The following TMEM132D variants were observed in gnomAD, a reference collection of about 807,000 sequenced individuals.
TMEM132D encodes the protein transmembrane protein 132D.
Under a neutral mutation model 62.3 loss-of-function variants are expected in TMEM132D, and 21 were observed. That is an observed-to-expected ratio of 0.34 (90% CI 0.24 to 0.49). The LOEUF (loss-of-function observed/expected upper bound fraction) is 0.49, where lower values mean the gene tolerates loss of function less well. Ranked by LOEUF, TMEM132D falls within the 20% of genes least tolerant of loss-of-function variation. The pLI is 0.99. For synonymous variants in TMEM132D, 621 were observed against 575.6 expected (o/e 1.08, Z -1.13); for missense variants, 1,346 against 1,402.8 (o/e 0.96, Z 0.65).
intron 1 of TMEM132D, among the ~76,000 whole-genome samples, chr12:129,755,928 C>T (rs376508663): frequency 2.0e-5 from 3 of 152,290 alleles, no homozygotes; most frequent in South Asian, 2.1e-4. Flanking sequence ...TAGTTGAGCT[C>T]ACATAGAACC....
At chr12:129,312,311 G>C (rs1176685528) in intron 4 of TMEM132D, among the ~76,000 whole-genome samples, 2 of 152,160 alleles carry the variant, frequency 1.3e-5, no homozygotes, top group African/African-American at 4.8e-5. Context: ...TTTGCTGAGA[G>C]AATGAAGCCT....
chr12:129,825,800 A>G (rs1273148230), intron 1 of TMEM132D, among the ~76,000 whole-genome samples: 1 of 152,172 alleles, frequency 6.6e-6, no homozygotes, highest in Non-Finnish European at 1.5e-5. Context: ...GCAGTGGCTC[A>G]CGCCTCTGAT....
chr12:129,080,551 C>T (rs998312466), intron 7 of TMEM132D, among the ~76,000 whole-genome samples: 2 of 152,216 alleles, frequency 1.3e-5, no homozygotes, highest in African/African-American at 4.8e-5. Context: ...TTTAAATCTT[C>T]CACGATCCAA....
intron 1 of TMEM132D, among the ~76,000 whole-genome samples, chr12:129,769,474 G>A (rs146185589): frequency 1.8e-4 from 28 of 152,236 alleles, no homozygotes; most frequent in African/African-American, 4.6e-4. Context: ...CTCATGACAC[G>A]GAGGAATTAC....
At chr12:129,436,559 T>A (rs1297915770) in intron 3 of TMEM132D, among the ~76,000 whole-genome samples, 1 of 152,228 alleles carries the variant, frequency 6.6e-6, no homozygotes, top group Admixed American at 6.5e-5. Flanking sequence ...TCAACAACAC[T>A]GTAAGTTTCC....
At chr12:129,312,959 C>T (rs938847697) in intron 4 of TMEM132D, among the ~76,000 whole-genome samples, 3 of 152,230 alleles carry the variant, frequency 2.0e-5, no homozygotes, top group South Asian at 2.1e-4. Flanking sequence ...GAATTCATGT[C>T]TGAGAACAAA....
At chr12:129,271,561 G>GC (rs1291387469) in intron 4 of TMEM132D, among the ~76,000 whole-genome samples, 13 of 150,816 alleles carry the variant, frequency 8.6e-5, no homozygotes, top group African/African-American at 2.2e-4. Flanking sequence ...CCCTCCCCTT[G>GC]CCCCCCACCC....
intron 5 of TMEM132D, among the ~76,000 whole-genome samples, chr12:129,142,377 C>T (rs1876770349): frequency 6.6e-6 from 1 of 152,178 alleles, no homozygotes; most frequent in Non-Finnish European, 1.5e-5. Context: ...ATAATGAATG[C>T]ATGGACAGTC....
chr12:129,479,530 A>C (rs1389305223), intron 3 of TMEM132D, among the ~76,000 whole-genome samples: 1 of 152,214 alleles, frequency 6.6e-6, no homozygotes, highest in Non-Finnish European at 1.5e-5. Context: ...AAAAGAGCAA[A>C]ATGCAAAATA....
In TMEM132D at chr12:129,074,063, G is replaced by A. The variant is rs780908800; in HGVS notation, c.3112C>T (p.Pro1038Ser). 6.2e-7 allele frequency: 1 copy of A among 1,613,932 alleles called. No homozygotes were observed. The highest frequency in any genetic ancestry group is 8.5e-7 in the Non-Finnish European group (1 of 1,179,942). ...KDQKSEPPTS[P>S]TSKRKRVKFT... ...TTTACCCTTTTCCTTTTTGAGGTAG[G>A]GGATGTTGGGGGCTCACTTTTCTGA... Residue 1038 changes from proline (P) to serine (S), a missense_variant, in exon 9 of 9, where the codon CCT becomes TCT. Coordinates refer to ENST00000422113, the MANE Select transcript of TMEM132D (RefSeq NM_133448.3).
At chr12:129,300,339 C>A (rs1231072416) in intron 4 of TMEM132D, among the ~76,000 whole-genome samples, 1 of 152,168 alleles carries the variant, frequency 6.6e-6, no homozygotes, top group Non-Finnish European at 1.5e-5. Context: ...CGTCATCAAT[C>A]TATTGAGATA....
chr12:129,707,659 C>G (rs1344375429), intron 1 of TMEM132D, among the ~76,000 whole-genome samples: 1 of 152,166 alleles, frequency 6.6e-6, no homozygotes, highest in Non-Finnish European at 1.5e-5. Flanking sequence ...ATATGTTGGA[C>G]AGTATACAAG....
At chr12:129,834,464 A>G (rs1159689099) in intron 1 of TMEM132D, among the ~76,000 whole-genome samples, 1 of 123,642 alleles carries the variant, frequency 8.1e-6, no homozygotes, top group African/African-American at 3.1e-5. Context: ...CCACTCCTGC[A>G]TATCTCCCAT....
At chr12:129,336,656 A>G (rs78291217) in intron 4 of TMEM132D, among the ~76,000 whole-genome samples, 4,209 of 152,224 alleles carry the variant, frequency 0.028, 206 homozygotes, top group African/African-American at 0.096. Context: ...GTTGAAGGAC[A>G]GAGAGAGGGC....
rs538782690 is a variant in TMEM132D at position 129,667,182 on chromosome 12, G to T, written c.968+32628C>A. On this transcript the variant is annotated intron_variant, in intron 2 of 8. Coordinates refer to ENST00000422113, the MANE Select transcript of TMEM132D (RefSeq NM_133448.3). ...GCTGTTTGATGGAAAATTGTAAAGG[G>T]TTCTAAAAAGTTTATGAAAATCTTA... Among the ~76,000 whole-genome samples, 206 of 152,216 alleles carry T rather than the reference G, an allele frequency of 1.4e-3. 1 individual carries two copies. Among genetic ancestry groups the T allele is most frequent in the Non-Finnish European group, 1.2e-3 (82 of 68,006 alleles).
At chr12:129,727,980 G>T (rs749785562) in intron 1 of TMEM132D, among the ~76,000 whole-genome samples, 1 of 152,128 alleles carries the variant, frequency 6.6e-6, no homozygotes, top group African/African-American at 2.4e-5. Flanking sequence ...GTTCTTTTCT[G>T]ATCACCGGCT....
intron 3 of TMEM132D, among the ~76,000 whole-genome samples, chr12:129,360,408 G>A (rs770641099): frequency 1.6e-4 from 24 of 152,206 alleles, no homozygotes; most frequent in Non-Finnish European, 2.2e-4. Flanking sequence ...TCTGCACTGA[G>A]ATCTTTCATG....
chr12:129,610,537 T>A (rs1027887350), intron 2 of TMEM132D, among the ~76,000 whole-genome samples: 1 of 152,146 alleles, frequency 6.6e-6, no homozygotes, highest in African/African-American at 2.4e-5. Context: ...AGTTTCTTTT[T>A]CTAGAAGTCT....
chr12:129,244,410 C>CAAAAAAAAAAA (rs1305354488), intron 4 of TMEM132D, among the ~76,000 whole-genome samples: 3 of 122,244 alleles, frequency 2.5e-5, no homozygotes, highest in Non-Finnish European at 5.2e-5. Context: ...AAAAAAAAAA[C>CAAAAAAAAAAA]AAACAAAAAG....
Sources: gnomAD v4.1 joint callset for allele counts (sites outside exome capture counted in the v4.1 genomes callset) on GRCh38, gnomAD v4.1.1 for gene constraint, MANE v1.5 for transcripts, NCBI Gene and HGNC (gene_info 2026-07-23, HGNC 2026-07-21) for gene names.